The following GRM5 variants were observed in gnomAD, a reference collection of about 807,000 sequenced individuals.
The protein encoded by GRM5 is metabotropic glutamate receptor 5.
Under a neutral mutation model 83.1 loss-of-function variants are expected in GRM5, and 19 were observed. The observed-to-expected ratio is 0.23, with a 90% CI of 0.16 to 0.34. The LOEUF is 0.34. GRM5 is among the 10% of genes least tolerant of loss of function. The pLI is 1.00. For missense variants in GRM5, 1,160 were observed against 1,588.3 expected (o/e 0.73, Z 4.58); for synonymous variants, 675 against 633.6 (o/e 1.07, Z -0.98).
intron 3 of GRM5, among the ~76,000 whole-genome samples, chr11:88,729,457 G>A (rs2135404716): frequency 6.6e-6 from 1 of 152,208 alleles, no homozygotes; most frequent in East Asian, 1.9e-4. Flanking sequence ...ATTTCCCAAA[G>A]TAATTTATAG....
chr11:89,006,049 T>C (rs1216220289), intron 2 of GRM5, among the ~76,000 whole-genome samples: 1 of 152,104 alleles, frequency 6.6e-6, no homozygotes, highest in South Asian at 2.1e-4. Context: ...TTTGAAACAA[T>C]GGAAGCGTAT....
At chr11:88,833,755 A>G (rs761750085) in intron 3 of GRM5, among the ~76,000 whole-genome samples, 1 of 152,194 alleles carries the variant, frequency 6.6e-6, no homozygotes. Context: ...GAAATGTGGT[A>G]TATGTAAACA....
intron 3 of GRM5, among the ~76,000 whole-genome samples, chr11:88,675,938 C>T (rs546786900): frequency 4.8e-4 from 73 of 151,992 alleles, no homozygotes; most frequent in Non-Finnish European, 8.5e-4. Flanking sequence ...TAAGCATTCT[C>T]ACACGTAAGA....
At chr11:88,838,439 G>T (rs12802941) in intron 3 of GRM5, among the ~76,000 whole-genome samples, 1 of 152,118 alleles carries the variant, frequency 6.6e-6, no homozygotes, top group South Asian at 2.1e-4. Context: ...TTGTCCTTCT[G>T]AAAGCTACCT....
At chr11:88,708,817 C>T (rs367864717) in intron 3 of GRM5, among the ~76,000 whole-genome samples, 4 of 152,160 alleles carry the variant, frequency 2.6e-5, no homozygotes, top group African/African-American at 9.6e-5. Context: ...GAGATACCAC[C>T]TGGTTCATCA....
chr11:89,034,305 G>C (rs1255267594), intron 2 of GRM5, among the ~76,000 whole-genome samples: 2 of 151,752 alleles, frequency 1.3e-5, no homozygotes, highest in Admixed American at 6.6e-5. Flanking sequence ...AAACAAAAAG[G>C]AATTACTTAC....
At chr11:88,990,383 C>T (rs1939922557) in intron 2 of GRM5, among the ~76,000 whole-genome samples, 2 of 150,026 alleles carry the variant, frequency 1.3e-5, no homozygotes, top group African/African-American at 4.9e-5. Context: ...GCTTACCAAC[C>T]AAAAAGAGTC....
chr11:88,810,902 A>T (rs1339164738), intron 3 of GRM5, among the ~76,000 whole-genome samples: 1 of 152,148 alleles, frequency 6.6e-6, no homozygotes, highest in Non-Finnish European at 1.5e-5. Context: ...AACTTAAGAG[A>T]AACAGAACTG....
intron 3 of GRM5, among the ~76,000 whole-genome samples, chr11:88,809,088 T>C (rs961439016): frequency 9.9e-5 from 15 of 152,192 alleles, no homozygotes; most frequent in African/African-American, 3.4e-4. Flanking sequence ...TTTATTTCTT[T>C]TTTAATTCAC....
intron 2 of GRM5, among the ~76,000 whole-genome samples, chr11:89,011,438 T>C (rs1477922232): frequency 6.6e-6 from 1 of 152,208 alleles, no homozygotes; most frequent in South Asian, 2.1e-4. Context: ...TCTTCATTAT[T>C]AGTTCAGTGG....
At chr11:88,514,334 A>G (rs533940766) in intron 9 of GRM5, among the ~76,000 whole-genome samples, 2 of 152,258 alleles carry the variant, frequency 1.3e-5, no homozygotes, top group East Asian at 3.9e-4. Flanking sequence ...GTCTGCCAAA[A>G]TGACACTTTC....
At chr11:88,869,989 C>G (rs1019999617) in intron 2 of GRM5, among the ~76,000 whole-genome samples, 1 of 151,208 alleles carries the variant, frequency 6.6e-6, no homozygotes, top group Non-Finnish European at 1.5e-5. Context: ...TCCTGTCTTT[C>G]TAATAGAAGT....
chr11:88,966,914 G>A (rs1217770095), intron 2 of GRM5, among the ~76,000 whole-genome samples: 4 of 152,078 alleles, frequency 2.6e-5, no homozygotes, highest in Non-Finnish European at 1.5e-5. Context: ...CTTTAGCAGT[G>A]TGTATGGCCC....
At chr11:88,823,914 T>A (rs539409006) in intron 3 of GRM5, among the ~76,000 whole-genome samples, 1 of 152,290 alleles carries the variant, frequency 6.6e-6, no homozygotes, top group South Asian at 2.1e-4. Flanking sequence ...GCTTATTGCT[T>A]AAACAAACTT....
intron 3 of GRM5, among the ~76,000 whole-genome samples, chr11:88,806,036 C>T (rs1943494291): frequency 6.6e-6 from 1 of 152,166 alleles, no homozygotes. Flanking sequence ...TAATTCAAAT[C>T]CCAATTCTGC....
chr11:88,761,851 C>CA (rs1942524446), intron 3 of GRM5, among the ~76,000 whole-genome samples: 5 of 151,702 alleles, frequency 3.3e-5, no homozygotes, highest in Non-Finnish European at 7.4e-5. Flanking sequence ...GGTACACAGA[C>CA]ACATAGATCA....
Position 88,662,588 on chromosome 11 carries a change from A to T in GRM5, c.912-9185T>A, listed in dbSNP as rs189259037. Among the ~76,000 whole-genome samples the T allele has an allele frequency of 1.8e-3, 271 of 152,318 alleles. 2 individuals carry two copies. Among genetic ancestry groups the T allele is most frequent in the Non-Finnish European group, 2.0e-3 (135 of 68,026 alleles). ...TTAGGTTCCAAACAAGCTGACTTTAAAATAGGGATACTACCCTCTATAAAT... is the reference window on the plus strand; with the variant it reads ...TTAGGTTCCAAACAAGCTGACTTTATAATAGGGATACTACCCTCTATAAAT... On this transcript the variant is annotated intron_variant, in intron 3 of 9. Coordinates refer to ENST00000305447, the MANE Select transcript of GRM5 (RefSeq NM_001143831.3).
intron 3 of GRM5, among the ~76,000 whole-genome samples, chr11:88,695,641 C>G (rs1394053380): frequency 6.6e-6 from 1 of 152,164 alleles, no homozygotes; most frequent in African/African-American, 2.4e-5. Context: ...CTTTTCTATA[C>G]CTTCCAAATA....
In GRM5 at chr11:88,788,001, T is replaced by C. The variant is rs561848378; in HGVS notation, c.911+61905A>G. Among the ~76,000 whole-genome samples, 9 of 152,270 alleles carry C rather than the reference T, an allele frequency of 5.9e-5. No individual in the cohort carries two copies. In the South Asian group the frequency reaches 1.9e-3, roughly 32 times the overall value. On this transcript the variant is annotated intron_variant, in intron 3 of 9. Coordinates refer to ENST00000305447, the MANE Select transcript of GRM5 (RefSeq NM_001143831.3). ...TTTCCCAAGGGAAGATATTTTACTGTATTCGTCCCTAGGTCAGCAGTTGGC... is the reference window on the plus strand; with the variant it reads ...TTTCCCAAGGGAAGATATTTTACTGCATTCGTCCCTAGGTCAGCAGTTGGC...
Sources: gnomAD v4.1 joint callset for allele counts (sites outside exome capture counted in the v4.1 genomes callset) on GRCh38, gnomAD v4.1.1 for gene constraint, MANE v1.5 for transcripts, NCBI Gene and HGNC (gene_info 2026-07-23, HGNC 2026-07-21) for gene names.